Variants in TNFSF11 observed in about 807,000 individuals in gnomAD.
TNFSF11 encodes the protein tumor necrosis factor ligand superfamily member 11.
In TNFSF11, 12 loss-of-function variants were observed where a neutral mutation model predicts 32.2. That is an observed-to-expected ratio of 0.37 (90% CI 0.24 to 0.60). The LOEUF is 0.60. Among genes scored for constraint, TNFSF11 ranks in the 20% least tolerant of loss-of-function variants. TNFSF11 has a pLI of 0.66. For synonymous variants in TNFSF11, 172 were observed against 152.1 expected (o/e 1.13, Z -0.96); for missense variants, 345 against 398.0 (o/e 0.87, Z 1.13).
upstream of TNFSF11, chr13:42,571,711 A>G (rs1178918283): frequency 6.6e-6 from 1 of 152,166 alleles, no homozygotes; most frequent in Non-Finnish European, 1.5e-5. Flanking sequence ...TTTATCAACA[A>G]CACTTAGAAG....
chr13:42,575,088 A>G (rs1246144830), intron 1 of TNFSF11, among the ~76,000 whole-genome samples: 5 of 152,020 alleles, frequency 3.3e-5, no homozygotes, highest in African/African-American at 4.8e-5. Flanking sequence ...GGGTGGGCAG[A>G]ATGACACGGC....
At chr13:42,568,063 G>A (rs892985784) in intron 2 of TNFSF11, among the ~76,000 whole-genome samples, 4 of 152,354 alleles carry the variant, frequency 2.6e-5, no homozygotes, top group African/African-American at 9.6e-5. Flanking sequence ...CTTCTGGCTG[G>A]TTTTACAGCA....
chr13:42,579,730 C>CTTTTTTTA (rs1555308982), intron 1 of TNFSF11, among the ~76,000 whole-genome samples: 1 of 27,266 alleles, frequency 3.7e-5, no homozygotes, highest in Non-Finnish European at 7.1e-5. Flanking sequence ...TTTTTTTTTG[C>CTTTTTTTA]AAAGTGTCTG....
intron 2 of TNFSF11, among the ~76,000 whole-genome samples, chr13:42,599,356 CT>C (rs1435433452): frequency 1.4e-5 from 2 of 147,968 alleles, no homozygotes; most frequent in African/African-American, 5.0e-5. Flanking sequence ...TATCATCTAT[CT>C]ATCTATCTAT....
At chr13:42,595,064 A>T (rs1350212762) in intron 2 of TNFSF11, among the ~76,000 whole-genome samples, 3 of 152,238 alleles carry the variant, frequency 2.0e-5, no homozygotes, top group African/African-American at 4.8e-5. Context: ...ATTTTAAAAA[A>T]ATATTGTGAA....
In TNFSF11 at chr13:42,600,720, A is replaced by G. The variant is rs530862098; in HGVS notation, c.388-32A>G. Reference sequence around the variant, plus strand: ...ATTGCTTTACAGAAAGAATGATTTTATAAATAAAATTATTTTTCCTTTTTA... The same window carrying G: ...ATTGCTTTACAGAAAGAATGATTTTGTAAATAAAATTATTTTTCCTTTTTA... On this transcript the variant is annotated intron_variant, in intron 2 of 4. Transcript: ENST00000398795. 2.1e-5 allele frequency: 33 copies of G among 1,581,160 alleles called. 1 individual carries two copies. In the East Asian group the frequency reaches 7.7e-4, roughly 37 times the overall value.
upstream of TNFSF11, among the ~76,000 whole-genome samples, chr13:42,571,014 G>T (rs1261610660): frequency 6.6e-6 from 1 of 152,016 alleles, no homozygotes; most frequent in East Asian, 1.9e-4. Flanking sequence ...TCCCACTAGG[G>T]TGTAAGCCCC....
intron 2 of TNFSF11, among the ~76,000 whole-genome samples, chr13:42,598,216 C>T (rs1868927185): frequency 6.6e-6 from 1 of 152,096 alleles, no homozygotes; most frequent in African/African-American, 2.4e-5. Flanking sequence ...ATATGCTAGA[C>T]TTAGTTCTGC....
intron 2 of TNFSF11, among the ~76,000 whole-genome samples, chr13:42,568,291 C>T (rs1384697529): frequency 6.6e-6 from 1 of 152,218 alleles, no homozygotes; most frequent in Non-Finnish European, 1.5e-5. Flanking sequence ...TGTTACTCTT[C>T]CCTCTGTTGA....
At chr13:42,564,737 T>C (rs777515410) in intron 1 of TNFSF11, among the ~76,000 whole-genome samples, 1 of 152,238 alleles carries the variant, frequency 6.6e-6, no homozygotes, top group Non-Finnish European at 1.5e-5. Context: ...AAAGAACTAA[T>C]GTAGATATTA....
intron 2 of TNFSF11, among the ~76,000 whole-genome samples, chr13:42,586,235 C>T (rs148331966): frequency 7.7e-4 from 117 of 152,324 alleles, no homozygotes; most frequent in African/African-American, 2.3e-3. Flanking sequence ...ACAAGGGCCA[C>T]AGCCATTTCG....
chr13:42,607,514 G>A lies in TNFSF11; in HGVS notation c.*596G>A, dbSNP rs201717981. ...TGTTGACATATTTAATGTTTTAAAT[G>A]TACAGACATATTTAACTGGTGCACT... On this transcript the variant is annotated 3_prime_UTR_variant, in exon 5 of 5. Transcript: ENST00000398795. 1.3e-5 allele frequency: 2 copies of A among 152,750 alleles called. No homozygotes were observed. The highest frequency in any genetic ancestry group is 2.9e-5 in the Non-Finnish European group (2 of 68,066). 9.5% of individuals were successfully genotyped at this position (152,750 alleles called of 1,614,324 possible). A position where few individuals can be genotyped will look rare whatever the true frequency, so the allele number is the denominator to read the frequency against.
intron 2 of TNFSF11, among the ~76,000 whole-genome samples, chr13:42,598,590 C>T (rs572300936): frequency 1.3e-5 from 2 of 152,202 alleles, no homozygotes; most frequent in East Asian, 1.9e-4. Flanking sequence ...CCCACACTTC[C>T]GCAGCACTTG....
chr13:42,599,349 CATCTATCTATCT>C (rs1555310744), intron 2 of TNFSF11, among the ~76,000 whole-genome samples: 1 of 112,186 alleles, frequency 8.9e-6, no homozygotes, highest in African/African-American at 3.5e-5. Flanking sequence ...ATCTATCTAT[CATCTATCTATCT>C]ATCTATCTAT....
chr13:42,605,847 T>G (rs1293644612), intron 4 of TNFSF11, among the ~76,000 whole-genome samples: 1 of 152,168 alleles, frequency 6.6e-6, no homozygotes, highest in Non-Finnish European at 1.5e-5. Flanking sequence ...GAAAATAGAT[T>G]ATGAGAATTG....
intron 1 of TNFSF11, among the ~76,000 whole-genome samples, chr13:42,579,205 C>T (rs1197135264): frequency 6.6e-6 from 1 of 151,430 alleles, no homozygotes; most frequent in African/African-American, 2.4e-5. Context: ...CAAGCCTGGG[C>T]AACACAGCGA....
At chr13:42,606,466 C>T in intron 4 of TNFSF11, 31 bp from the exon 5 acceptor site, 1 of 1,614,074 alleles carries the variant, frequency 6.2e-7, no homozygotes, top group Non-Finnish European at 8.5e-7. Flanking sequence ...TAAGGACTGA[C>T]TTTCAAATCT....
intron 2 of TNFSF11, among the ~76,000 whole-genome samples, chr13:42,586,534 T>C (rs2137878764): frequency 6.6e-6 from 1 of 152,308 alleles, no homozygotes; most frequent in African/African-American, 2.4e-5. Context: ...CTCACATCAG[T>C]CACATTTTCA....
At chr13:42,596,677 CT>C (rs1868828086) in intron 2 of TNFSF11, among the ~76,000 whole-genome samples, 2 of 152,316 alleles carry the variant, frequency 1.3e-5, no homozygotes, top group African/African-American at 4.8e-5. Context: ...AGGGAAAATA[CT>C]TTGCTGTCTA....
Sources: allele counts gnomAD v4.1 joint callset (sites outside exome capture counted in the v4.1 genomes callset), GRCh38; gene constraint gnomAD v4.1.1; transcripts MANE v1.5; gene names NCBI Gene and HGNC (gene_info 2026-07-23, HGNC 2026-07-21).